The following SEC24A variants were observed in gnomAD, a reference collection of about 807,000 sequenced individuals.
The protein encoded by SEC24A is protein transport protein Sec24A.
SEC24A carries 93 observed loss-of-function variants against 129.4 expected under a neutral mutation model. The ratio of observed to expected loss-of-function variants is 0.72; its 90% confidence interval spans 0.61 to 0.85. SEC24A has a LOEUF of 0.85. Ranked by LOEUF, SEC24A falls within the 40% of genes least tolerant of loss-of-function variation. SEC24A has a pLI of 0.00. For synonymous variants in SEC24A, 460 were observed against 467.3 expected (o/e 0.98, Z 0.20); for missense variants, 1,264 against 1,307.4 (o/e 0.97, Z 0.51).
At chr5:134,660,010 T>A (rs1750393912) in intron 1 of SEC24A, among the ~76,000 whole-genome samples, 1 of 152,084 alleles carries the variant, frequency 6.6e-6, no homozygotes, top group Non-Finnish European at 1.5e-5. Context: ...TTTGATGGTA[T>A]TTGGCTTTCA....
rs538329002 is a variant in SEC24A, at chr5:134,669,047, G to C, written c.739+2051G>C. Among the ~76,000 whole-genome samples, 3 of 151,780 alleles carry C rather than the reference G, an allele frequency of 2.0e-5. No homozygotes were observed. The East Asian group carries it at 5.8e-4, about 30-fold the overall frequency. ...AGATCACACCACAGTACTCCAGCCT[G>C]GGTGACAGAGTAAGACTCAGTCTCA... On this transcript the variant is annotated intron_variant, in intron 3 of 22. Coordinates refer to ENST00000398844, the MANE Select transcript of SEC24A (RefSeq NM_021982.3).
chr5:134,662,840 G>T (rs1750520473), intron 2 of SEC24A, among the ~76,000 whole-genome samples: 1 of 152,068 alleles, frequency 6.6e-6, no homozygotes, highest in African/African-American at 2.4e-5. Flanking sequence ...GAATGAATAT[G>T]GTGGCACACA....
At chr5:134,694,964 C>T (rs956499482) in intron 13 of SEC24A, among the ~76,000 whole-genome samples, 1 of 152,106 alleles carries the variant, frequency 6.6e-6, no homozygotes, top group Non-Finnish European at 1.5e-5. Flanking sequence ...GACCTGTGTA[C>T]TATACTGGGT....
chr5:134,707,981 TAGTC>T (rs2150107605), intron 17 of SEC24A, among the ~76,000 whole-genome samples: 1 of 152,124 alleles, frequency 6.6e-6, no homozygotes, highest in Non-Finnish European at 1.5e-5. Context: ...ACAAAAAAAT[TAGTC>T]AGGTATAGTG....
Position 134,727,288 on chromosome 5 carries a change from A to G in SEC24A, c.*2194A>G, listed in dbSNP as rs1300746003. On this transcript the variant is annotated 3_prime_UTR_variant, in exon 23 of 23. Transcript: ENST00000398844. ...ATTATGAAAGATCCTTGAATTTTCT[A>G]CAGATCTACAACTACTAATGTAACA... 6.6e-6 allele frequency: 1 copy of G among 152,436 alleles called. No homozygotes were observed. The highest frequency in any genetic ancestry group is 1.9e-4 in the East Asian group (1 of 5,198). The allele number at this position is 152,436 out of a possible 1,614,324, so 9.4% of individuals were successfully genotyped here.
intron 21 of SEC24A, among the ~76,000 whole-genome samples, chr5:134,721,954 G>C (rs1356180090): frequency 6.6e-6 from 1 of 152,138 alleles, no homozygotes; most frequent in Non-Finnish European, 1.5e-5. Flanking sequence ...CAGAACTACT[G>C]GGCTGGATGA....
At chr5:134,721,152 T>C in intron 21 of SEC24A, 62 bp downstream of exon 21, 1 of 944,710 alleles carries the variant, frequency 1.1e-6, no homozygotes, top group Non-Finnish European at 1.7e-6. Flanking sequence ...AACATGAATA[T>C]CCCCTATTTT....
chr5:134,679,147 G>T (rs189203310), intron 7 of SEC24A, among the ~76,000 whole-genome samples: 242 of 152,136 alleles, frequency 1.6e-3, no homozygotes, highest in Non-Finnish European at 2.7e-3. Flanking sequence ...CAGTGGCTCA[G>T]TCATGGCTCA....
At position 134,697,972 on chromosome 5, in the gene SEC24A, A is replaced by C; in HGVS notation, c.2181A>C (p.Gln727His). The C allele has an allele frequency of 1.2e-6, 2 of 1,614,000 alleles. No homozygotes were observed. Among genetic ancestry groups the C allele is most frequent in the Non-Finnish European group, 1.7e-6 (2 of 1,179,934 alleles). ...PSYHHQHNPV[Q>H]VQKLQKELQR... is the part of the protein sequence containing the mutation. ...ACCATCATCAGCACAACCCAGTCCA[A>C]GTACAGAAATTACAGAAGGAACTAC... The change falls in exon 15 of 23, where the codon CAA becomes CAC. Residue 727 changes from glutamine (Q) to histidine (H), a missense_variant. Gln to His is a conservative substitution (Grantham distance 24). Coordinates refer to ENST00000398844, the MANE Select transcript of SEC24A (RefSeq NM_021982.3).
intron 15 of SEC24A, among the ~76,000 whole-genome samples, chr5:134,700,448 G>A (rs189491239): frequency 2.6e-5 from 4 of 151,700 alleles, no homozygotes; most frequent in Admixed American, 2.6e-4. Context: ...TCAAACTCCT[G>A]GACTTAAGCA....
intron 2 of SEC24A, among the ~76,000 whole-genome samples, chr5:134,663,297 C>T (rs951191360): frequency 6.6e-6 from 1 of 152,018 alleles, no homozygotes; most frequent in African/African-American, 2.4e-5. Flanking sequence ...AGTAGGGTAA[C>T]ACGATCATAG....
chr5:134,657,182 GCACACACACACACA>G (rs70976550), intron 1 of SEC24A, among the ~76,000 whole-genome samples: 1 of 136,214 alleles, frequency 7.3e-6, no homozygotes, highest in Non-Finnish European at 1.6e-5. Context: ...TCTGAAAAAC[GCACACACACACACA>G]CACACACACA....
At chr5:134,649,319 C>T (rs1244970427) in intron 1 of SEC24A, 146 bp downstream of exon 1, 1 of 529,048 alleles carries the variant, frequency 1.9e-6, no homozygotes, top group Non-Finnish European at 3.3e-6. Context: ...GGCCAGGGGA[C>T]CACGGCAGTT....
At chr5:134,717,600 A>AT (rs1752514044) in intron 19 of SEC24A, among the ~76,000 whole-genome samples, 1 of 151,974 alleles carries the variant, frequency 6.6e-6, no homozygotes, top group Admixed American at 6.6e-5. Context: ...AGTGATAACT[A>AT]TTTCGTCATC....
intron 15 of SEC24A, among the ~76,000 whole-genome samples, chr5:134,700,770 G>C (rs1751982425): frequency 6.6e-6 from 1 of 150,674 alleles, no homozygotes; most frequent in Non-Finnish European, 1.5e-5. Flanking sequence ...CCAGGCTGGA[G>C]TTCAGTGGCA....
intron 9 of SEC24A, among the ~76,000 whole-genome samples, chr5:134,684,330 T>A (rs1158556752): frequency 1.3e-5 from 2 of 150,868 alleles, no homozygotes; most frequent in African/African-American, 4.9e-5. Flanking sequence ...ATTAATATAT[T>A]TTTGTGTCTT....
chr5:134,703,813 T>C lies in SEC24A; in HGVS notation c.2321T>C (p.Leu774Pro). 1 of 1,613,600 alleles carries C rather than the reference T, an allele frequency of 6.2e-7. No homozygotes were observed. The highest frequency in any genetic ancestry group is 8.5e-7 in the Non-Finnish European group (1 of 1,179,482). ...TTCTTTGTTAGGTCAACCGACTTACTGTCTTTGCCTAACGTCAACCCAGAC... is the reference window on the plus strand; with the variant it reads ...TTCTTTGTTAGGTCAACCGACTTACCGTCTTTGCCTAACGTCAACCCAGAC... ...GNFFVRSTDLLSLPNVNPDAG... is the reference protein window; with the variant it reads ...GNFFVRSTDLPSLPNVNPDAG... Residue 774 changes from leucine to proline, a missense_variant, in exon 16 of 23, where the codon CTG becomes CCG. Transcript: ENST00000398844.
intron 11 of SEC24A, among the ~76,000 whole-genome samples, chr5:134,688,677 T>C (rs943065433): frequency 2.6e-5 from 4 of 151,916 alleles, no homozygotes; most frequent in Non-Finnish European, 4.4e-5. Context: ...TTTTATTTAT[T>C]TATTTATTTA....
chr5:134,676,033 T>C lies in SEC24A; in HGVS notation c.1162T>C (p.Cys388Arg), dbSNP rs1217805679. 1.9e-6 allele frequency: 3 copies of C among 1,602,310 alleles called. No homozygotes were observed. Among genetic ancestry groups the C allele is most frequent in the Non-Finnish European group, 2.6e-6 (3 of 1,176,452 alleles). Residue 388 changes from cysteine (C) to arginine (R), a missense_variant, in exon 7 of 23, where the codon TGC (cysteine) becomes CGC (arginine). Coordinates refer to ENST00000398844, the MANE Select transcript of SEC24A (RefSeq NM_021982.3). Reference protein sequence around the residue: ...KLNCNPELFRCTLTSIPQTQA... With the variant: ...KLNCNPELFRRTLTSIPQTQA... ...TTTACTTTGATATAGGTTATTTCGA[T>C]GCACGCTGACTAGCATTCCTCAGAC...
Sources: gnomAD v4.1 joint callset for allele counts (sites outside exome capture counted in the v4.1 genomes callset) on GRCh38, gnomAD v4.1.1 for gene constraint, MANE v1.5 for transcripts, NCBI Gene and HGNC (gene_info 2026-07-23, HGNC 2026-07-21) for gene names.